Variants in ALKBH3 observed in about 807,000 individuals in gnomAD.
ALKBH3 encodes alpha-ketoglutarate-dependent dioxygenase alkB homolog 3.
ALKBH3 carries 51 observed loss-of-function variants against 43.9 expected under a neutral mutation model. That is an observed-to-expected ratio of 1.16 (90% confidence interval 0.93 to 1.47). The LOEUF (loss-of-function observed/expected upper bound fraction) is 1.47, where lower values mean the gene tolerates loss of function less well. ALKBH3 is among the 40% of genes most tolerant of loss of function. The pLI is 0.00. For synonymous variants in ALKBH3, 102 were observed against 115.2 expected (o/e 0.89, Z 0.73); for missense variants, 361 against 351.9 (o/e 1.03, Z -0.21).
chr11:43,907,636 C>G (rs1170546695), intron 8 of ALKBH3, among the ~76,000 whole-genome samples: 1 of 152,080 alleles, frequency 6.6e-6, no homozygotes, highest in Non-Finnish European at 1.5e-5. Flanking sequence ...TCACAAGTCA[C>G]ATTTTCATGG....
chr11:43,917,079 T>G (rs887397311), intron 8 of ALKBH3, among the ~76,000 whole-genome samples: 1 of 152,248 alleles, frequency 6.6e-6, no homozygotes, highest in African/African-American at 2.4e-5. Context: ...AGGCTCACCC[T>G]TGTCTGCTTT....
At chr11:43,897,097 G>C (rs1272254790) in intron 7 of ALKBH3, 1 of 379,086 alleles carries the variant, frequency 2.6e-6, no homozygotes, top group African/African-American at 2.1e-5. Context: ...GTGCCACTGT[G>C]CCTGGCTTAT....
chr11:43,901,615 A>G lies in ALKBH3; in HGVS notation c.559A>G (p.Ser187Gly), dbSNP rs780631982. 6 of 1,614,146 alleles carry G rather than the reference A, an allele frequency of 3.7e-6. No individual in the cohort carries two copies. The South Asian group carries it at 6.6e-5, about 18-fold the overall frequency. ...LCNLYRNEKD[S>G]VDWHSDDEPS... The stretch of plus-strand genomic sequence containing the variant: ...CAATCTTTATCGCAATGAGAAGGAC[A>G]GCGTGGACTGGCACAGTGATGATGA... Residue 187 changes from serine to glycine, a missense_variant, in exon 8 of 10, where the codon AGC becomes GGC. Physicochemically the swap from Ser to Gly is moderately conservative, Grantham distance 56. Coordinates refer to ENST00000302708, the MANE Select transcript of ALKBH3 (RefSeq NM_139178.4).
intron 4 of ALKBH3, among the ~76,000 whole-genome samples, chr11:43,885,144 T>G (rs996117505): frequency 4.6e-5 from 7 of 152,174 alleles, no homozygotes; most frequent in Non-Finnish European, 7.3e-5. Flanking sequence ...AAGCTACAGA[T>G]GTGACATTCG....
At chr11:43,916,954 G>A (rs1339058832) in intron 8 of ALKBH3, 2 of 152,206 alleles carry the variant, frequency 1.3e-5, no homozygotes, top group African/African-American at 4.8e-5. Flanking sequence ...CTAAGTCAAA[G>A]ATCTTAGAAG....
intron 7 of ALKBH3, among the ~76,000 whole-genome samples, chr11:43,900,431 C>CTA (rs1300150889): frequency 6.6e-6 from 1 of 151,862 alleles, no homozygotes; most frequent in South Asian, 2.1e-4. Context: ...ACCATATTGG[C>CTA]CAGGCTGGTC....
chr11:43,891,474 T>G (rs903388558), intron 6 of ALKBH3, among the ~76,000 whole-genome samples: 5 of 152,194 alleles, frequency 3.3e-5, no homozygotes, highest in African/African-American at 9.7e-5. Context: ...TTGTTGTGGC[T>G]GATACCAGTT....
At chr11:43,913,069 A>G (rs941813180) in intron 8 of ALKBH3, among the ~76,000 whole-genome samples, 7 of 151,836 alleles carry the variant, frequency 4.6e-5, no homozygotes, top group African/African-American at 1.7e-4. Flanking sequence ...TATGATAGAC[A>G]GACATAAATG....
chr11:43,889,601 C>A, intron 5 of ALKBH3, 124 bp from the exon 6 acceptor site: 1 of 695,334 alleles, frequency 1.4e-6, no homozygotes, highest in Non-Finnish European at 2.4e-6. Flanking sequence ...GCTGTGGGAG[C>A]TGTGGTAAGA....
intron 7 of ALKBH3, among the ~76,000 whole-genome samples, chr11:43,900,244 G>A (rs10838198): frequency 0.61 from 55,792 of 91,422 alleles, 15,137 homozygotes; most frequent in East Asian, 0.76. Flanking sequence ...TTTTTTTTGC[G>A]ACAGAGTCTC....
At chr11:43,901,962 AT>A (rs753159642) in intron 8 of ALKBH3, among the ~76,000 whole-genome samples, 1 of 152,188 alleles carries the variant, frequency 6.6e-6, no homozygotes, top group African/African-American at 2.4e-5. Flanking sequence ...GGCTCATTTC[AT>A]TGATGATAAA....
rs1312205041 is a variant in ALKBH3, at chr11:43,888,299, C to T, written c.267-1426C>T. On this transcript the variant is annotated intron_variant, in intron 5 of 9. Transcript: ENST00000302708. ...TGTTTGTTTGTTAGTGATGGGGTTT[C>T]GCCATGTTGCCCAGGCTGGCCTTGA... 1.8e-4 allele frequency among the ~76,000 whole-genome samples: 5 copies of T among 28,310 alleles called. 2 individuals carry two copies. Among genetic ancestry groups the T allele is most frequent in the Non-Finnish European group, 4.5e-4 (4 of 8,932 alleles). 18.6% of individuals were successfully genotyped at this position (28,310 alleles called of 152,430 possible). A position where few individuals can be genotyped will look rare whatever the true frequency, so the allele number is the denominator to read the frequency against.
chr11:43,896,098 C>T (rs1951816467), intron 7 of ALKBH3, among the ~76,000 whole-genome samples: 3 of 152,136 alleles, frequency 2.0e-5, no homozygotes, highest in Non-Finnish European at 4.4e-5. Context: ...GAGTATTTGG[C>T]AGACATTTCC....
rs535213247 is a variant in ALKBH3, at chr11:43,915,366, A to G, written c.670-3672A>G. Among the ~76,000 whole-genome samples the G allele has an allele frequency of 5.9e-5, 9 of 152,262 alleles. No individual in the cohort carries two copies. In the South Asian group the frequency reaches 1.9e-3, roughly 32 times the overall value. On this transcript the variant is annotated intron_variant, in intron 8 of 9. Transcript: ENST00000302708. ...TCATGTTTTCCTGGTGAGATTATAG[A>G]TTGCTGCAGCCTTCTCAAGAAAGCA... is the stretch of plus-strand genomic sequence containing the variant.
At chr11:43,887,394 A>G (rs1330000371) in intron 5 of ALKBH3, among the ~76,000 whole-genome samples, 3 of 151,896 alleles carry the variant, frequency 2.0e-5, no homozygotes, top group Non-Finnish European at 4.4e-5. Flanking sequence ...TGTAACCTCT[A>G]CCTCCTGGGT....
intron 3 of ALKBH3, 109 bp from the exon 4 acceptor site, chr11:43,883,874 A>G (rs1484815571): frequency 1.7e-5 from 23 of 1,362,146 alleles, no homozygotes; most frequent in Non-Finnish European, 2.3e-5. Context: ...TGGAATAGAA[A>G]AGAGATAGTT....
chr11:43,900,940 G>C (rs775568574), intron 7 of ALKBH3, among the ~76,000 whole-genome samples: 3 of 152,138 alleles, frequency 2.0e-5, no homozygotes, highest in Admixed American at 2.0e-4. Flanking sequence ...TCATTCTTTA[G>C]AAAAGAATGT....
At chr11:43,886,514 G>C in intron 4 of ALKBH3, 92 bp from the exon 5 acceptor site, 2 of 1,285,804 alleles carry the variant, frequency 1.6e-6, no homozygotes, top group South Asian at 1.3e-5. Context: ...TGGTGAGCCA[G>C]GACTTTGGCA....
intron 7 of ALKBH3, chr11:43,899,353 C>G: frequency 1.4e-6 from 1 of 697,280 alleles, no homozygotes; most frequent in Non-Finnish European, 2.7e-6. Context: ...TGTGCACCAT[C>G]AGCAGCCTGC....
Sources: gnomAD v4.1 joint callset for allele counts (sites outside exome capture counted in the v4.1 genomes callset) on GRCh38, gnomAD v4.1.1 for gene constraint, MANE v1.5 for transcripts, NCBI Gene and HGNC (gene_info 2026-07-23, HGNC 2026-07-21) for gene names.